RBM27: variants seen among roughly 807,000 people sequenced by gnomAD.
The protein encoded by RBM27 is RNA-binding protein 27.
RBM27 carries 22 observed loss-of-function variants against 135.3 expected under a neutral mutation model. The ratio of observed to expected loss-of-function variants is 0.16; its 90% CI spans 0.12 to 0.23. RBM27 has a LOEUF of 0.23. RBM27 is among the 10% of genes least tolerant of loss of function. The pLI, the probability that RBM27 is intolerant of heterozygous loss-of-function variation, is 1.00. For synonymous variants in RBM27, 481 were observed against 442.4 expected (o/e 1.09, Z -1.10); for missense variants, 1,009 against 1,281.0 (o/e 0.79, Z 3.24).
At chr5:146,248,342 G>T (rs1363976745) in intron 8 of RBM27, among the ~76,000 whole-genome samples, 3 of 150,842 alleles carry the variant, frequency 2.0e-5, no homozygotes, top group African/African-American at 4.9e-5. Context: ...TAAATTTTCT[G>T]CCCTGACCTA....
intron 1 of RBM27, among the ~76,000 whole-genome samples, chr5:146,210,212 A>G (rs1452271600): frequency 1.3e-5 from 2 of 152,228 alleles, no homozygotes; most frequent in Non-Finnish European, 2.9e-5. Context: ...GTTTAAATGA[A>G]TGAACATTCT....
At chr5:146,239,454 CTTTTTTTTTTTCCTTTTCT>C (rs1230959212) in intron 8 of RBM27, among the ~76,000 whole-genome samples, 1 of 127,562 alleles carries the variant, frequency 7.8e-6, no homozygotes, top group African/African-American at 3.3e-5. Flanking sequence ...CTTCTAACTC[CTTTTTTTTTTTCCTTTTCT>C]TTTTTTTTTT....
At chr5:146,239,585 C>A (rs568405441) in intron 8 of RBM27, among the ~76,000 whole-genome samples, 1 of 143,866 alleles carries the variant, frequency 7.0e-6, no homozygotes, top group African/African-American at 2.6e-5. Flanking sequence ...TCAAGCAATT[C>A]TTGTGCCTCA....
intron 20 of RBM27, 34 bp from the exon 21 acceptor site, chr5:146,285,913 G>T (rs1759562845): frequency 6.6e-7 from 1 of 1,516,014 alleles, no homozygotes; most frequent in Non-Finnish European, 9.1e-7. Context: ...CCATTCTTGT[G>T]CCACTAAGCA....
chr5:146,223,170 G>A (rs1238671407), intron 2 of RBM27, among the ~76,000 whole-genome samples: 3 of 152,084 alleles, frequency 2.0e-5, no homozygotes, highest in South Asian at 2.1e-4. Context: ...AGTTGTTTCC[G>A]ATCGTTTGCT....
chr5:146,249,102 C>T (rs563391518), intron 8 of RBM27, among the ~76,000 whole-genome samples: 159 of 152,176 alleles, frequency 1.0e-3, no homozygotes, highest in Non-Finnish European at 2.1e-3. Flanking sequence ...CTGCCCTAGC[C>T]TTCCAAATAG....
intron 1 of RBM27, among the ~76,000 whole-genome samples, chr5:146,208,375 A>C (rs540740665): frequency 6.6e-6 from 1 of 152,226 alleles, no homozygotes; most frequent in Non-Finnish European, 1.5e-5. Context: ...GGTGGCGAAC[A>C]TGTCTATTAC....
At chr5:146,261,878 C>G (rs537289147) in intron 13 of RBM27, 72 bp downstream of exon 13, 1 of 1,488,692 alleles carries the variant, frequency 6.7e-7, no homozygotes, top group Non-Finnish European at 9.2e-7. Flanking sequence ...AATTCCTGGT[C>G]CTTGGGTCTT....
chr5:146,252,365 G>A (rs1238950016), intron 9 of RBM27, among the ~76,000 whole-genome samples: 1 of 152,180 alleles, frequency 6.6e-6, no homozygotes, highest in Non-Finnish European at 1.5e-5. Flanking sequence ...TGAAGGATCT[G>A]TGGAATGCTT....
At chr5:146,269,850 G>A (rs909368718) in intron 17 of RBM27, among the ~76,000 whole-genome samples, 3 of 150,610 alleles carry the variant, frequency 2.0e-5, no homozygotes, top group Admixed American at 6.6e-5. Context: ...TGGGATTACA[G>A]GTGTGAACCA....
At chr5:146,248,965 T>C (rs1466877587) in intron 8 of RBM27, among the ~76,000 whole-genome samples, 1 of 152,130 alleles carries the variant, frequency 6.6e-6, no homozygotes, top group Non-Finnish European at 1.5e-5. Context: ...TATATATGTA[T>C]GTATTTCTAT....
chr5:146,270,482 A>G (rs1424227048), intron 17 of RBM27, among the ~76,000 whole-genome samples: 1 of 152,220 alleles, frequency 6.6e-6, no homozygotes, highest in African/African-American at 2.4e-5. Context: ...TAAAAATTAA[A>G]GAGGTGAAAA....
rs1442102606 is a variant in RBM27 at position 146,260,771 on chromosome 5, C to G, written c.1766C>G (p.Pro589Arg). ...CAAGGAAATAACAATCAAAATAAAC[C>G]AGGGTTCTTACGAAAGAATCAGTAT... ...GKQGNNNQNKPGFLRKNQYTN... is the reference protein window; with the variant it reads ...GKQGNNNQNKRGFLRKNQYTN... The change falls in exon 12 of 21, where the codon CCA becomes CGA. Residue 589 changes from proline to arginine, a missense_variant. Around this residue, in one of 6 missense-constraint regions of RBM27, gnomAD observed 329 missense variants for 368.1 expected, o/e 0.89. Transcript: ENST00000265271. 7.5e-6 allele frequency: 12 copies of G among 1,608,098 alleles called. No homozygotes were observed. Among genetic ancestry groups the G allele is most frequent in the Non-Finnish European group, 9.3e-6 (11 of 1,178,298 alleles).
At chr5:146,261,309 A>G (rs1758386074) in intron 12 of RBM27, 1 of 608,540 alleles carries the variant, frequency 1.6e-6, no homozygotes, top group African/African-American at 1.9e-5. Flanking sequence ...AAGGCCACCG[A>G]TACTATTCAT....
chr5:146,227,742 A>G (rs1212481756), intron 3 of RBM27, among the ~76,000 whole-genome samples: 1 of 152,226 alleles, frequency 6.6e-6, no homozygotes, highest in Admixed American at 6.5e-5. Flanking sequence ...CGGTCTCCAA[A>G]AAACAAAAGA....
rs778841973 is a variant in RBM27 at position 146,229,723 on chromosome 5, T to C, written c.402T>C (p.Arg134=). 6.2e-7 allele frequency: 1 copy of C among 1,603,436 alleles called. No homozygotes were observed. The highest frequency in any genetic ancestry group is 8.5e-7 in the Non-Finnish European group (1 of 1,171,850). Residue 134 remains arginine (R), a synonymous_variant, in exon 5 of 21, where the codon CGT becomes CGC. Transcript: ENST00000265271. ...TRSESSERRT[R]EKKREDGKWR... ...TTATATCTGTATATTATAGGACACG[T>C]GAGAAAAAAAGAGAAGACGGGAAAT...
At chr5:146,208,153 C>T (rs1472914589) in intron 1 of RBM27, among the ~76,000 whole-genome samples, 1 of 151,868 alleles carries the variant, frequency 6.6e-6, no homozygotes, top group Non-Finnish European at 1.5e-5. Flanking sequence ...GATGGAGTTT[C>T]ACCACGTTGG....
intron 1 of RBM27, among the ~76,000 whole-genome samples, chr5:146,208,750 A>C (rs1755814610): frequency 6.6e-6 from 1 of 152,256 alleles, no homozygotes; most frequent in Admixed American, 6.5e-5. Context: ...TCACTAAAGA[A>C]ATTTCTGCAA....
At chr5:146,223,381 A>G (rs1040451962) in intron 2 of RBM27, 22 bp from the exon 3 acceptor site, 1 of 1,568,334 alleles carries the variant, frequency 6.4e-7, no homozygotes, top group Non-Finnish European at 8.6e-7. Context: ...CGCAATATGT[A>G]AATGTTATTT....
Sources: allele counts gnomAD v4.1 joint callset (sites outside exome capture counted in the v4.1 genomes callset), GRCh38; gene constraint gnomAD v4.1.1; regional missense constraint gnomAD v4.1.1; transcripts MANE v1.5; gene names NCBI Gene and HGNC (gene_info 2026-07-23, HGNC 2026-07-21).